Variants in CEP164 observed in about 807,000 individuals in gnomAD.
The protein encoded by CEP164 is centrosomal protein 164, also known as centrosomal protein of 164 kDa.
Under a neutral mutation model 182.7 loss-of-function variants are expected in CEP164, and 162 were observed. The observed-to-expected ratio is 0.89, with a 90% confidence interval of 0.78 to 1.01. The LOEUF (loss-of-function observed/expected upper bound fraction) is 1.01, where lower values mean the gene tolerates loss of function less well. CEP164 is among the 50% of genes least tolerant of loss of function. CEP164 has a pLI of 0.00. For missense variants in CEP164, 1,735 were observed against 1,790.4 expected (o/e 0.97, Z 0.56); for synonymous variants, 661 against 690.0 (o/e 0.96, Z 0.66).
chr11:117,403,176 C>G (rs935384425), intron 27 of CEP164, among the ~76,000 whole-genome samples: 1 of 152,158 alleles, frequency 6.6e-6, no homozygotes, highest in Non-Finnish European at 1.5e-5. Context: ...ACATTCAAGG[C>G]TAATATTGTT....
intron 4 of CEP164, among the ~76,000 whole-genome samples, chr11:117,347,457 TC>T (rs2039046563): frequency 6.6e-6 from 1 of 152,192 alleles, no homozygotes; most frequent in Non-Finnish European, 1.5e-5. Context: ...ATGCCTGGAA[TC>T]CCAGCACTTT....
chr11:117,394,987 C>CTCTGCTGGAGGTCCAGGTGAGGGA lies in CEP164; in HGVS notation c.2834_2844+13dup, dbSNP rs765251449. On this transcript the variant is annotated inframe_insertion, in exon 22 of 33. Coordinates refer to ENST00000278935, the MANE Select transcript of CEP164 (RefSeq NM_014956.5). This position sits in a 1 kb window ranked among gnomAD's most constrained non-coding sequence, Gnocchi z 4.0. The stretch of plus-strand genomic sequence containing the variant: ...GCTAAAGATGTCAAGGCCAGATTGG[C>CTCTGCTGGAGGTCCAGGTGAGGGA]TCTGCTGGAGGTCCAGGTGAGGGAT... 17 of 1,614,180 alleles carry CTCTGCTGGAGGTCCAGGTGAGGGA rather than the reference C, an allele frequency of 1.1e-5. No homozygotes were observed. In the African/African-American group the frequency reaches 1.7e-4, roughly 16 times the overall value.
In CEP164 at chr11:117,344,254, A is replaced by G. The variant is rs2038560708; in HGVS notation, c.171A>G (p.Pro57=). 2 of 1,612,886 alleles carry G rather than the reference A, an allele frequency of 1.2e-6. No homozygotes were observed. The highest frequency in any genetic ancestry group is 1.3e-5 in the African/African-American group (1 of 74,886). ...TGGCGCGAGAGGGCATCGTGGCCCC[A>G]CTGCCTGGAGAGTGGAAACCATGGT... ...MWLAREGIVA[P]LPGEWKPCQD... Residue 57 remains proline (P), a synonymous_variant, in exon 4 of 33, where the codon CCA becomes CCG. Coordinates refer to ENST00000278935, the MANE Select transcript of CEP164 (RefSeq NM_014956.5).
intron 17 of CEP164, among the ~76,000 whole-genome samples, 157 bp downstream of exon 17, chr11:117,391,372 A>G (rs2044629457): frequency 1.3e-5 from 2 of 152,070 alleles, no homozygotes; most frequent in Non-Finnish European, 2.9e-5. Flanking sequence ...CATGGGAGAC[A>G]GCGAGATGAC....
intron 1 of CEP164, among the ~76,000 whole-genome samples, chr11:117,329,151 C>T (rs1195308983): frequency 6.6e-6 from 1 of 150,764 alleles, no homozygotes; most frequent in Non-Finnish European, 1.5e-5. Flanking sequence ...AGTTGGTATT[C>T]ACCGGTGTGA....
chr11:117,324,899 A>G (rs1183083141), upstream of CEP164, among the ~76,000 whole-genome samples: 1 of 152,120 alleles, frequency 6.6e-6, no homozygotes, highest in East Asian at 1.9e-4. Context: ...CTCAAAAAGC[A>G]AACAAACAAA....
intron 2 of CEP164, among the ~76,000 whole-genome samples, chr11:117,337,679 C>T (rs1320163878): frequency 1.3e-5 from 2 of 152,144 alleles, no homozygotes; most frequent in Admixed American, 6.6e-5. Context: ...CTTATCATCT[C>T]GCCCCTGGGC....
intron 1 of CEP164, among the ~76,000 whole-genome samples, chr11:117,332,481 C>T (rs1460288499): frequency 6.6e-6 from 1 of 152,128 alleles, no homozygotes; most frequent in Non-Finnish European, 1.5e-5. Flanking sequence ...GAGGCTGAGG[C>T]AGGAGAATCG....
At chr11:117,359,509 G>A (rs2040694442) in intron 5 of CEP164, 1 of 985,394 alleles carries the variant, frequency 1.0e-6, no homozygotes, top group African/African-American at 1.7e-5. Context: ...ATGCAGAAAT[G>A]GGCCCTGCTG....
chr11:117,379,674 T>C (rs1368483625), intron 11 of CEP164, among the ~76,000 whole-genome samples: 1 of 152,040 alleles, frequency 6.6e-6, no homozygotes, highest in Non-Finnish European at 1.5e-5. Flanking sequence ...CAGTTTGCTA[T>C]CCCATTTTAT....
Position 117,394,236 on chromosome 11 carries a change from G to A in CEP164, c.2617-114G>A. 7.3e-7 allele frequency: 1 copy of A among 1,377,684 alleles called. No individual in the cohort carries two copies. Among genetic ancestry groups the A allele is most frequent in the South Asian group, 1.4e-5 (1 of 72,780 alleles). 85.3% of individuals were successfully genotyped at this position (1,377,684 alleles called of 1,614,324 possible). A position where few individuals can be genotyped will look rare whatever the true frequency, so the allele number is the denominator to read the frequency against. On this transcript the variant is annotated intron_variant, in intron 20 of 32. Coordinates refer to ENST00000278935, the MANE Select transcript of CEP164 (RefSeq NM_014956.5). The surrounding 1 kb of genome is among the most constrained non-coding windows in gnomAD (Gnocchi z 4.0). ...CTTCTCCAAGAGCTGGCTTTAGGGAGCCGATGGTGTCCCTGATCTTACTGA... is the reference window on the plus strand; with the variant it reads ...CTTCTCCAAGAGCTGGCTTTAGGGAACCGATGGTGTCCCTGATCTTACTGA...
rs569232510 is a variant in CEP164, at chr11:117,384,315, G to A, written c.1724+1373G>A. On this transcript the variant is annotated intron_variant, in intron 14 of 32. Coordinates refer to ENST00000278935, the MANE Select transcript of CEP164 (RefSeq NM_014956.5). Reference sequence around the variant, plus strand: ...GTTGTCACCATAACATTGCAGGAGTGGTGTATGGAAGGGGTGGTCATGTCT... The same window carrying A: ...GTTGTCACCATAACATTGCAGGAGTAGTGTATGGAAGGGGTGGTCATGTCT... 3.2e-4 allele frequency among the ~76,000 whole-genome samples: 49 copies of A among 152,296 alleles called. No individual in the cohort carries two copies. In the Middle Eastern group the frequency reaches 0.017, roughly 53 times the overall value.
intron 5 of CEP164, chr11:117,356,135 G>A (rs1275861726): frequency 9.7e-7 from 1 of 1,035,410 alleles, no homozygotes; most frequent in East Asian, 1.0e-4. Flanking sequence ...GTCAGACTCG[G>A]GTCTCAGAGA....
chr11:117,328,280 A>C (rs865948862), intron 1 of CEP164: 1 of 152,414 alleles, frequency 6.6e-6, no homozygotes, highest in South Asian at 2.1e-4. Context: ...TGCTCTGTTC[A>C]TCGTTGGCGA....
intron 27 of CEP164, among the ~76,000 whole-genome samples, chr11:117,403,859 A>G (rs1467973296): frequency 1.3e-5 from 2 of 151,618 alleles, no homozygotes; most frequent in Non-Finnish European, 2.9e-5. Context: ...GTTCCTTTTC[A>G]TTCTTTTTTC....
intron 2 of CEP164, among the ~76,000 whole-genome samples, chr11:117,338,046 A>G (rs902060719): frequency 5.3e-5 from 8 of 152,018 alleles, no homozygotes; most frequent in African/African-American, 1.9e-4. Flanking sequence ...GCACTCTCAG[A>G]ACAGGAAGTT....
chr11:117,359,228 G>A (rs1234192288), intron 5 of CEP164, among the ~76,000 whole-genome samples: 3 of 152,174 alleles, frequency 2.0e-5, no homozygotes, highest in African/African-American at 7.2e-5. Context: ...ACAGGCGTGA[G>A]CCACCACGCC....
At chr11:117,383,823 G>A (rs927292899) in intron 14 of CEP164, among the ~76,000 whole-genome samples, 1 of 152,174 alleles carries the variant, frequency 6.6e-6, no homozygotes, top group African/African-American at 2.4e-5. Context: ...GATCACCTGA[G>A]GTCAGGAGTT....
chr11:117,412,350 T>G lies in CEP164; in HGVS notation c.*182T>G. On this transcript the variant is annotated 3_prime_UTR_variant, in exon 33 of 33. Transcript: ENST00000278935. ...CCACACATTCTGTGACTATATAACC[T>G]ATCTCAGGCTAAAATGTGTGGACTC... The G allele has an allele frequency of 1.9e-6, 1 of 540,382 alleles. No individual in the cohort carries two copies. The highest frequency in any genetic ancestry group is 3.3e-6 in the Non-Finnish European group (1 of 305,246). The allele number at this position is 540,382 out of a possible 1,614,324, so 33.5% of individuals were successfully genotyped here.
Sources: gnomAD v4.1 joint callset for allele counts (sites outside exome capture counted in the v4.1 genomes callset) on GRCh38, gnomAD v4.1.1 for gene constraint, Gnocchi (gnomAD v3.1) non-coding constraint, MANE v1.5 for transcripts, NCBI Gene and HGNC (gene_info 2026-07-23, HGNC 2026-07-21) for gene names.